CRACD: variants seen among roughly 807,000 people sequenced by gnomAD.
The protein encoded by CRACD is capping protein-inhibiting regulator of actin dynamics.
CRACD carries 56 observed loss-of-function variants against 106.8 expected under a neutral mutation model. The observed-to-expected ratio is 0.52, with a 90% CI of 0.42 to 0.66. CRACD has a LOEUF of 0.66. Ranked by LOEUF, CRACD falls within the 30% of genes least tolerant of loss-of-function variation. The pLI is 0.00. For missense variants in CRACD, 1,730 were observed against 1,623.2 expected, an observed-to-expected ratio of 1.07 and a Z score of -1.13; for synonymous variants, 754 against 670.8, an observed-to-expected ratio of 1.12 and a Z score of -1.92.
At chr4:56,117,955 C>G (rs1368289332) in intron 1 of CRACD, among the ~76,000 whole-genome samples, 1 of 152,050 alleles carries the variant, frequency 6.6e-6, no homozygotes, top group African/African-American at 2.4e-5. Flanking sequence ...GACGGGGTTT[C>G]ACCATGTTAT....
At chr4:56,258,416 G>A (rs1741499854) in intron 2 of CRACD, among the ~76,000 whole-genome samples, 1 of 152,192 alleles carries the variant, frequency 6.6e-6, no homozygotes, top group Non-Finnish European at 1.5e-5. Flanking sequence ...TTGGCCACAT[G>A]TTCTCAGCAC....
chr4:56,103,319 G>C (rs1343755354), intron 1 of CRACD, among the ~76,000 whole-genome samples: 2 of 152,188 alleles, frequency 1.3e-5, no homozygotes, highest in South Asian at 4.2e-4. Flanking sequence ...ATAAAAAAGA[G>C]GGCTGGGTGC....
intron 1 of CRACD, among the ~76,000 whole-genome samples, chr4:56,120,264 A>G (rs573583025): frequency 6.6e-6 from 1 of 152,234 alleles, no homozygotes; most frequent in South Asian, 2.1e-4. Context: ...TCATGTTTTC[A>G]TAATTATTTG....
At chr4:56,072,102 T>A (rs1234694800) in intron 1 of CRACD, among the ~76,000 whole-genome samples, 3 of 133,922 alleles carry the variant, frequency 2.2e-5, no homozygotes, top group Non-Finnish European at 3.1e-5. Context: ...CACTCCAGCC[T>A]GGGCGACAGA....
intron 1 of CRACD, among the ~76,000 whole-genome samples, chr4:56,175,704 A>C (rs1326603760): frequency 6.6e-6 from 1 of 152,100 alleles, no homozygotes; most frequent in African/African-American, 2.4e-5. Context: ...CGTCAGATGG[A>C]TAGTTTGCAA....
At position 56,314,544 on chromosome 4, in the gene CRACD, G is replaced by A. The variant is rs148920534; in HGVS notation, c.1042G>A (p.Glu348Lys). Residue 348 changes from glutamate to lysine, a missense_variant, in exon 8 of 11, where the codon GAG becomes AAG. Physicochemically the swap from Glu to Lys is moderately conservative, Grantham distance 56. This residue lies in a region of CRACD where 1,620 missense variants were observed against 1,481.6 expected (regional missense o/e 1.09). Transcript: ENST00000682029. This position sits in a 1 kb window ranked among gnomAD's most constrained non-coding sequence, Gnocchi z 4.4. Reference protein sequence around the residue: ...DARLEERRRQEEEEGRCAEEL... With the variant: ...DARLEERRRQKEEEGRCAEEL... ...CAGGCTGGAGGAGCGGAGGCGGCAGGAGGAGGAGGAAGGAAGATGCGCGGA... is the reference window on the plus strand; with the variant it reads ...CAGGCTGGAGGAGCGGAGGCGGCAGAAGGAGGAGGAAGGAAGATGCGCGGA... The A allele has an allele frequency of 1.3e-6, 2 of 1,504,866 alleles. No homozygotes were observed. The highest frequency in any genetic ancestry group is 1.8e-6 in the Non-Finnish European group (2 of 1,129,834). 93.2% of individuals were successfully genotyped at this position (1,504,866 alleles called of 1,614,324 possible). A position where few individuals can be genotyped will look rare whatever the true frequency, so the allele number is the denominator to read the frequency against.
At chr4:56,251,918 T>A (rs1741076604) in intron 2 of CRACD, among the ~76,000 whole-genome samples, 1 of 152,232 alleles carries the variant, frequency 6.6e-6, no homozygotes, top group East Asian at 1.9e-4. Context: ...CTCAAATATT[T>A]TTTACTTCAT....
chr4:56,286,394 GAAAA>G (rs35666161), intron 3 of CRACD, among the ~76,000 whole-genome samples: 1 of 141,354 alleles, frequency 7.1e-6, no homozygotes, highest in African/African-American at 2.6e-5. Flanking sequence ...TTCTGTCTCC[GAAAA>G]AAAAAAAACA....
rs1745473912 is a variant in CRACD at position 56,314,921 on chromosome 4, G to A, written c.1419G>A (p.Gly473=). The A allele has an allele frequency of 6.2e-7, 1 of 1,604,888 alleles. No individual in the cohort carries two copies. The highest frequency in any genetic ancestry group is 8.5e-7 in the Non-Finnish European group (1 of 1,176,898). Residue 473 remains glycine, a synonymous_variant, in exon 8 of 11, where the codon GGG becomes GGA. Transcript: ENST00000682029. This position sits in a 1 kb window ranked among gnomAD's most constrained non-coding sequence, Gnocchi z 4.4. The stretch of plus-strand genomic sequence containing the variant: ...AGGGAAGGAGCGGGGATTTCCAGGG[G>A]GCCGATCGTCCTGGGCCCGAGGAAA... The part of the protein sequence containing the change: ...EQQGRSGDFQ[G]ADRPGPEEKR...
chr4:56,143,809 T>C (rs1735286414), intron 1 of CRACD, among the ~76,000 whole-genome samples: 1 of 152,238 alleles, frequency 6.6e-6, no homozygotes, highest in Non-Finnish European at 1.5e-5. Flanking sequence ...TTATATTTTG[T>C]GCTGGAATGC....
At chr4:56,096,213 G>C (rs1733595066) in intron 1 of CRACD, among the ~76,000 whole-genome samples, 1 of 152,172 alleles carries the variant, frequency 6.6e-6, no homozygotes, top group Non-Finnish European at 1.5e-5. Context: ...AGAAGCATCA[G>C]TATATAGTTG....
rs147827028 is a variant in CRACD, at chr4:56,258,518, A to G, written c.-188-13803A>G. ...TTGTCTCAGATACTTTTTGGTTTGC[A>G]GGCCTTGTGGGGAGTTCCCTATGTC... On this transcript the variant is annotated intron_variant, in intron 2 of 10. Coordinates refer to ENST00000682029, the MANE Select transcript of CRACD (RefSeq NM_001393381.1). Among the ~76,000 whole-genome samples, 523 of 152,326 alleles carry G rather than the reference A, an allele frequency of 3.4e-3. 6 individuals are homozygous for G. The highest frequency in any genetic ancestry group is 0.012 in the African/African-American group (485 of 41,568).
In CRACD at chr4:56,221,940, G is replaced by A. The variant is rs145500265; in HGVS notation, c.-189+42510G>A. Among the ~76,000 whole-genome samples, 13 of 152,294 alleles carry A rather than the reference G, an allele frequency of 8.5e-5. No individual in the cohort carries two copies. The East Asian group carries it at 9.6e-4, about 11-fold the overall frequency. On this transcript the variant is annotated intron_variant, in intron 2 of 10. Transcript: ENST00000682029. ...TACAGAACACTTTTACACTGCTGGTGGGAATGTAAATTAGTACACCCTCCA... is the reference window on the plus strand; with the variant it reads ...TACAGAACACTTTTACACTGCTGGTAGGAATGTAAATTAGTACACCCTCCA...
intron 1 of CRACD, among the ~76,000 whole-genome samples, chr4:56,157,565 C>A (rs1239299570): frequency 6.6e-6 from 1 of 152,092 alleles, no homozygotes; most frequent in African/African-American, 2.4e-5. Context: ...CATCGCTGAG[C>A]AAAATGATCT....
At chr4:56,298,539 C>G (rs1744184536) in intron 4 of CRACD, among the ~76,000 whole-genome samples, 190 bp downstream of exon 4, 1 of 152,194 alleles carries the variant, frequency 6.6e-6, no homozygotes, top group Non-Finnish European at 1.5e-5. Context: ...AAGAGCTACA[C>G]TATCACCACT....
chr4:56,090,543 T>C (rs1299254598), intron 1 of CRACD, among the ~76,000 whole-genome samples: 2 of 152,130 alleles, frequency 1.3e-5, no homozygotes, highest in Non-Finnish European at 1.5e-5. Context: ...TACAGGTGCG[T>C]ACCACCACAC....
chr4:56,150,494 T>G (rs1353393149), intron 1 of CRACD, among the ~76,000 whole-genome samples: 2 of 152,112 alleles, frequency 1.3e-5, no homozygotes, highest in African/African-American at 4.8e-5. Flanking sequence ...TGGCAAGAAA[T>G]GAAACATTGC....
At chr4:56,262,241 C>T (rs1306703449) in intron 2 of CRACD, among the ~76,000 whole-genome samples, 1 of 152,182 alleles carries the variant, frequency 6.6e-6, no homozygotes, top group Non-Finnish European at 1.5e-5. Context: ...GGACGGAAAC[C>T]TGTAACACTG....
rs570150885 is a variant in CRACD at position 56,093,878 on chromosome 4, C to T, written c.-336+44579C>T. 2.0e-5 allele frequency among the ~76,000 whole-genome samples: 3 copies of T among 152,284 alleles called. No individual in the cohort carries two copies. In the East Asian group the frequency reaches 5.8e-4, roughly 29 times the overall value. On this transcript the variant is annotated intron_variant, in intron 1 of 10. Coordinates refer to ENST00000682029, the MANE Select transcript of CRACD (RefSeq NM_001393381.1). ...AAGGCCTTTCCTTCTCAGGTGGTCT[C>T]TGTTTCCCTGTCAGTAATGTATGCA...
Sources: allele counts gnomAD v4.1 joint callset (sites outside exome capture counted in the v4.1 genomes callset), GRCh38; gene constraint gnomAD v4.1.1; regional missense constraint gnomAD v4.1.1; non-coding constraint Gnocchi (gnomAD v3.1); transcripts MANE v1.5; gene names NCBI Gene and HGNC (gene_info 2026-07-23, HGNC 2026-07-21).